The following CCDC3 variants were observed in gnomAD, a reference collection of about 807,000 sequenced individuals.
The protein encoded by CCDC3 is coiled-coil domain-containing protein 3.
Under a neutral mutation model 21.4 loss-of-function variants are expected in CCDC3, and 24 were observed. That is an observed-to-expected ratio of 1.12 (90% CI 0.81 to 1.58). The LOEUF (loss-of-function observed/expected upper bound fraction) is 1.58, where lower values mean the gene tolerates loss of function less well. Ranked by LOEUF, CCDC3 falls within the 40% of genes most tolerant of loss-of-function variation. The probability of loss-of-function intolerance (pLI) is 0.00; values close to 1 mark genes in which losing one functional copy is unlikely to be tolerated. For missense variants in CCDC3, 425 were observed against 360.9 expected, an observed-to-expected ratio of 1.18 and a Z score of -1.44; for synonymous variants, 186 against 166.0, an observed-to-expected ratio of 1.12 and a Z score of -0.93.
intron 2 of CCDC3, among the ~76,000 whole-genome samples, chr10:12,991,619 C>A (rs1368472166): frequency 6.6e-6 from 1 of 152,168 alleles, no homozygotes; most frequent in Non-Finnish European, 1.5e-5. Flanking sequence ...CAGGCTTGAA[C>A]CACCAATCCT....
chr10:12,930,744 T>G (rs1834625808), intron 2 of CCDC3, among the ~76,000 whole-genome samples: 1 of 152,050 alleles, frequency 6.6e-6, no homozygotes, highest in Non-Finnish European at 1.5e-5. Flanking sequence ...CTACTAACCA[T>G]CCCACAATGG....
chr10:13,033,355 T>C (rs374816866), intron 5 of CCDC3, among the ~76,000 whole-genome samples: 1 of 152,156 alleles, frequency 6.6e-6, no homozygotes, highest in Non-Finnish European at 1.5e-5. Flanking sequence ...ATGGATTAAA[T>C]ACTTAAATGT....
chr10:13,078,307 G>A (rs1158106445), intron 3 of CCDC3, among the ~76,000 whole-genome samples: 1 of 152,128 alleles, frequency 6.6e-6, no homozygotes, highest in Non-Finnish European at 1.5e-5. Flanking sequence ...AAACCACAAT[G>A]AGATACCATC....
chr10:13,089,213 ATTTG>A (rs894247436), intron 3 of CCDC3, among the ~76,000 whole-genome samples: 5 of 152,174 alleles, frequency 3.3e-5, no homozygotes, highest in African/African-American at 1.2e-4. Flanking sequence ...TAGTAACTTT[ATTTG>A]TTTAACACTT....
chr10:13,011,742 AG>A (rs1375528993), intron 5 of CCDC3, among the ~76,000 whole-genome samples: 8 of 152,208 alleles, frequency 5.3e-5, no homozygotes, highest in Non-Finnish European at 2.9e-5. Context: ...CAAATAACCA[AG>A]GCAATCCTAA....
chr10:12,932,624 G>A (rs780180687), intron 2 of CCDC3, among the ~76,000 whole-genome samples: 88 of 152,082 alleles, frequency 5.8e-4, no homozygotes, highest in African/African-American at 1.0e-3. Context: ...GTTTTATGTC[G>A]TCCTCCTCAA....
At chr10:12,990,188 C>T (rs1339596148) in intron 2 of CCDC3, among the ~76,000 whole-genome samples, 4 of 148,396 alleles carry the variant, frequency 2.7e-5, no homozygotes, top group Non-Finnish European at 4.4e-5. Context: ...ACCTGGGAGG[C>T]GGAGCTTGCA....
At chr10:12,998,149 A>G (rs1006004547) in intron 2 of CCDC3, among the ~76,000 whole-genome samples, 189 bp downstream of exon 2, 1 of 152,144 alleles carries the variant, frequency 6.6e-6, no homozygotes, top group Non-Finnish European at 1.5e-5. Context: ...CAGGGATCCA[A>G]AGTTTATGAA....
At chr10:12,931,458 T>G (rs189208079) in intron 2 of CCDC3, among the ~76,000 whole-genome samples, 1 of 152,312 alleles carries the variant, frequency 6.6e-6, no homozygotes, top group East Asian at 1.9e-4. Flanking sequence ...TCTGAATGAA[T>G]TTAGAGTCCA....
rs1564315865 is a variant in CCDC3, at chr10:13,001,212, T to G, written c.359A>C (p.Tyr120Ser). 1.9e-6 allele frequency: 3 copies of G among 1,558,028 alleles called. No individual in the cohort carries two copies. Among genetic ancestry groups the G allele is most frequent in the Non-Finnish European group, 1.7e-6 (2 of 1,151,512 alleles). ...HSHTVVQDYS[Y>S]FFFLRMDENY... is the part of the protein sequence containing the mutation. ...CCGGGCTCACCTGAGGAAGAAGAAATAGGAGTAGTCCTGGACCACGGTGTG... is the reference window on the plus strand; with the variant it reads ...CCGGGCTCACCTGAGGAAGAAGAAAGAGGAGTAGTCCTGGACCACGGTGTG... Residue 120 changes from tyrosine to serine, a missense_variant, in exon 1 of 3, where the codon TAT becomes TCT. By Grantham distance (144) the Tyr-to-Ser change is moderately radical (BLOSUM62 -2). Transcript: ENST00000378825.
chr10:12,955,593 C>A (rs1228411019), intron 2 of CCDC3, among the ~76,000 whole-genome samples: 1 of 152,096 alleles, frequency 6.6e-6, no homozygotes, highest in African/African-American at 2.4e-5. Context: ...TGATCTATCA[C>A]CCAGGCTGGA....
At chr10:12,954,678 G>A (rs944302963) in intron 2 of CCDC3, among the ~76,000 whole-genome samples, 2 of 152,120 alleles carry the variant, frequency 1.3e-5, no homozygotes, top group African/African-American at 4.8e-5. Context: ...TCATTCCCAC[G>A]GAGATGGCAC....
chr10:13,008,747 T>A (rs1835952413), intron 5 of CCDC3, among the ~76,000 whole-genome samples: 3 of 152,176 alleles, frequency 2.0e-5, no homozygotes. Context: ...AAAAGAGAAT[T>A]CTTGATAAAA....
intron 4 of CCDC3, among the ~76,000 whole-genome samples, chr10:13,068,897 T>C (rs1219676055): frequency 6.6e-6 from 1 of 152,206 alleles, no homozygotes; most frequent in East Asian, 1.9e-4. Flanking sequence ...TTCCTAGGCT[T>C]GAAGGATTGT....
intron 3 of CCDC3, among the ~76,000 whole-genome samples, chr10:13,091,937 T>A (rs1206592808): frequency 1.3e-5 from 2 of 152,020 alleles, no homozygotes; most frequent in African/African-American, 2.4e-5. Context: ...TCTGGAAAGA[T>A]GCCACCTGAA....
At chr10:12,976,860 T>G (rs1182046577) in intron 2 of CCDC3, among the ~76,000 whole-genome samples, 1 of 152,130 alleles carries the variant, frequency 6.6e-6, no homozygotes, top group East Asian at 1.9e-4. Context: ...TCTGGGTGTT[T>G]AATGTGTCAG....
chr10:12,900,369 C>G (rs1018054888), intron 2 of CCDC3, among the ~76,000 whole-genome samples: 12 of 152,024 alleles, frequency 7.9e-5, no homozygotes, highest in African/African-American at 2.9e-4. Context: ...CAACTTTCCT[C>G]TGCTTAGAAA....
At chr10:12,934,780 T>G (rs182475392) in intron 2 of CCDC3, among the ~76,000 whole-genome samples, 2 of 152,200 alleles carry the variant, frequency 1.3e-5, no homozygotes, top group East Asian at 3.9e-4. Flanking sequence ...TGATTAGTGT[T>G]GACATGGTAT....
intron 4 of CCDC3, among the ~76,000 whole-genome samples, chr10:13,052,565 A>G (rs1309000192): frequency 2.0e-5 from 3 of 152,184 alleles, no homozygotes; most frequent in Admixed American, 6.5e-5. Flanking sequence ...ACAATGCTGC[A>G]CCTATCGCTA....
Sources: gnomAD v4.1 joint callset for allele counts (sites outside exome capture counted in the v4.1 genomes callset) on GRCh38, gnomAD v4.1.1 for gene constraint, MANE v1.5 for transcripts, NCBI Gene and HGNC (gene_info 2026-07-23, HGNC 2026-07-21) for gene names.